Variants in HTR2C observed in about 807,000 individuals in gnomAD.
HTR2C encodes the protein 5-hydroxytryptamine (serotonin) receptor 2C, G protein-coupled.
In HTR2C, 5 loss-of-function variants were observed where a neutral mutation model predicts 21.0. The observed-to-expected ratio is 0.24, with a 90% CI of 0.12 to 0.50. HTR2C has a LOEUF of 0.50. HTR2C is among the 20% of genes least tolerant of loss of function. The probability of loss-of-function intolerance (pLI) is 0.98; values close to 1 mark genes in which losing one functional copy is unlikely to be tolerated. For synonymous variants in HTR2C, 150 were observed against 145.3 expected (o/e 1.03, Z -0.23); for missense variants, 271 against 371.2 (o/e 0.73, Z 2.22).
intron 5 of HTR2C, among the ~76,000 whole-genome samples, chrX:114,879,643 A>G (rs1556479366): frequency 1.8e-5 from 2 of 110,448 alleles, no homozygotes; most frequent in Admixed American, 9.7e-5. Context: ...AGCCCATTGT[A>G]TCATTCTTAT....
At chrX:114,651,423 A>T (rs1602664175) in intron 2 of HTR2C, 1 of 123,596 alleles carries the variant, frequency 8.1e-6, no homozygotes, top group Non-Finnish European at 1.9e-5. Context: ...CAAGCTTTAA[A>T]ATCCTATAAT....
rs1252918687 is a variant in HTR2C, at chrX:114,805,650, CAT to C, written c.350-42345_350-42344del. ...CCATATATATACCATATATATACAC[CAT>C]ATATATACCATATATATACACCATA... On this transcript the variant is annotated intron_variant, in intron 4 of 5. Coordinates refer to ENST00000276198, the MANE Select transcript of HTR2C (RefSeq NM_000868.4). 1.1e-4 allele frequency among the ~76,000 whole-genome samples: 2 copies of C among 17,418 alleles called. 1 individual carries two copies. The highest frequency in any genetic ancestry group is 2.3e-4 in the Non-Finnish European group (2 of 8,543). The allele number at this position is 17,418 out of a possible 115,157, so 15.1% of individuals were successfully genotyped here.
chrX:114,607,110 G>GA (rs782612615), intron 1 of HTR2C, among the ~76,000 whole-genome samples: 1 of 110,237 alleles, frequency 9.1e-6, no homozygotes, highest in East Asian at 2.8e-4. Context: ...TTTTGTGGTG[G>GA]AATGTCATCA....
chrX:114,686,358 CTA>C (rs1931912061), intron 2 of HTR2C, among the ~76,000 whole-genome samples: 1 of 110,830 alleles, frequency 9.0e-6, no homozygotes, highest in African/African-American at 3.3e-5. Context: ...CATTTTGGAA[CTA>C]TTATTCCCCC....
intron 4 of HTR2C, among the ~76,000 whole-genome samples, chrX:114,761,770 AT>A (rs2069869110): frequency 9.3e-6 from 1 of 107,682 alleles, no homozygotes; most frequent in African/African-American, 3.4e-5. Flanking sequence ...GCTTCATGTT[AT>A]ATGTCACTTA....
chrX:114,838,103 G>A (rs1267660402), intron 4 of HTR2C, among the ~76,000 whole-genome samples: 1 of 111,279 alleles, frequency 9.0e-6, no homozygotes, highest in African/African-American at 3.3e-5. Context: ...ATTCCTGGAA[G>A]AACTCTTGTT....
At chrX:114,763,004 A>G (rs781986594) in intron 4 of HTR2C, among the ~76,000 whole-genome samples, 10 of 112,255 alleles carry the variant, frequency 8.9e-5, no homozygotes, top group Non-Finnish European at 1.3e-4. Context: ...TTCATCATGC[A>G]CTGCTGCAAT....
chrX:114,785,723 A>G (rs2070168453), intron 4 of HTR2C, among the ~76,000 whole-genome samples: 1 of 112,432 alleles, frequency 8.9e-6, no homozygotes, highest in Admixed American at 9.4e-5. Context: ...TCTTGCAGTA[A>G]ATGAAGGATT....
intron 5 of HTR2C, among the ~76,000 whole-genome samples, chrX:114,861,776 T>A (rs1169583637): frequency 1.8e-5 from 2 of 111,892 alleles, no homozygotes; most frequent in East Asian, 5.6e-4. Flanking sequence ...GATTTTTATG[T>A]CTTCCACAGA....
At chrX:114,840,521 G>C (rs1207669487) in intron 4 of HTR2C, among the ~76,000 whole-genome samples, 1 of 111,229 alleles carries the variant, frequency 9.0e-6, no homozygotes, top group Non-Finnish European at 1.9e-5. Flanking sequence ...GGACTCTCAG[G>C]AATCTGTGAA....
At chrX:114,888,866 C>T (rs986834548) in intron 5 of HTR2C, among the ~76,000 whole-genome samples, 4 of 111,684 alleles carry the variant, frequency 3.6e-5, no homozygotes, top group Admixed American at 9.5e-5. Flanking sequence ...TCATAATATT[C>T]AATTCTATGG....
intron 5 of HTR2C, among the ~76,000 whole-genome samples, chrX:114,882,429 C>T (rs1177363817): frequency 5.4e-5 from 6 of 110,645 alleles, no homozygotes; most frequent in African/African-American, 1.6e-4. Flanking sequence ...CCTTATCTTA[C>T]GAGGAAAGTA....
chrX:114,764,913 TTCTTTCTTTCTTTTCCTTCC>T (rs2069926869), intron 4 of HTR2C, among the ~76,000 whole-genome samples: 1 of 72,431 alleles, frequency 1.4e-5, no homozygotes, highest in Admixed American at 1.9e-4. Flanking sequence ...CTTTCTTTCT[TTCTTTCTTTCTTTTCCTTCC>T]TTCCTTCCTT....
At chrX:114,873,052 A>G (rs991141006) in intron 5 of HTR2C, among the ~76,000 whole-genome samples, 1 of 111,912 alleles carries the variant, frequency 8.9e-6, no homozygotes, top group African/African-American at 3.2e-5. Context: ...TTATTCCACT[A>G]TTCCCACTTG....
chrX:114,676,424 G>A (rs1300346203), intron 2 of HTR2C, among the ~76,000 whole-genome samples: 1 of 108,956 alleles, frequency 9.2e-6, no homozygotes, highest in Non-Finnish European at 1.9e-5. Context: ...AAACAGAAAT[G>A]TGTTCCACTT....
intron 4 of HTR2C, among the ~76,000 whole-genome samples, chrX:114,818,506 A>G (rs1257439301): frequency 8.9e-6 from 1 of 111,804 alleles, no homozygotes; most frequent in Admixed American, 9.5e-5. Context: ...TATTTTTTCA[A>G]TTGTACCCTA....
chrX:114,744,492 G>A (rs1192085834), intron 4 of HTR2C, among the ~76,000 whole-genome samples: 2 of 101,783 alleles, frequency 2.0e-5, no homozygotes, highest in African/African-American at 3.7e-5. Flanking sequence ...ACGCTTTGTC[G>A]CCCAGGCTGG....
chrX:114,731,982 A>C (rs2069541941), intron 4 of HTR2C, among the ~76,000 whole-genome samples: 1 of 111,241 alleles, frequency 9.0e-6, no homozygotes, highest in Non-Finnish European at 1.9e-5. Context: ...AGAAGGAAAA[A>C]CCGGCTCATC....
chrX:114,759,872 T>C (rs1556431704), intron 4 of HTR2C, among the ~76,000 whole-genome samples: 2 of 111,763 alleles, frequency 1.8e-5, no homozygotes, highest in East Asian at 2.8e-4. Flanking sequence ...ACTCCATGGC[T>C]CTACTCAACC....
Sources: gnomAD v4.1 joint callset for allele counts (sites outside exome capture counted in the v4.1 genomes callset) on GRCh38, gnomAD v4.1.1 for gene constraint, MANE v1.5 for transcripts, NCBI Gene and HGNC (gene_info 2026-07-23, HGNC 2026-07-21) for gene names.